Variants in PCDHGB5 observed in about 807,000 individuals in gnomAD.
The protein encoded by PCDHGB5 is protocadherin gamma-B5.
A neutral mutation model predicts 62.9 loss-of-function variants in PCDHGB5; 48 were observed. The observed-to-expected ratio is 0.76, with a 90% CI of 0.61 to 0.97. PCDHGB5 has a LOEUF of 0.97. Ranked by LOEUF, PCDHGB5 falls within the 50% of genes least tolerant of loss-of-function variation. PCDHGB5 has a pLI of 0.00. For synonymous variants in PCDHGB5, 474 were observed against 511.2 expected (o/e 0.93, Z 0.98); for missense variants, 1,118 against 1,198.6 (o/e 0.93, Z 0.99).
chr5:141,413,265 T>C, intron 1 of PCDHGB5: 1 of 1,613,958 alleles, frequency 6.2e-7, no homozygotes, highest in Non-Finnish European at 8.5e-7. Context: ...CATGGGAGGC[T>C]GGAGCCCGGC....
intron 1 of PCDHGB5, among the ~76,000 whole-genome samples, chr5:141,473,267 C>G (rs1458810488): frequency 1.3e-5 from 2 of 152,248 alleles, no homozygotes; most frequent in African/African-American, 2.4e-5. Flanking sequence ...TTAGTGTATG[C>G]TATGATTATT....
chr5:141,441,750 A>C, intron 1 of PCDHGB5: 1 of 374,962 alleles, frequency 2.7e-6, no homozygotes, highest in South Asian at 2.1e-5. Context: ...GCTCGGCGTC[A>C]ACGTGAGCCT....
At chr5:141,423,734 T>C in intron 1 of PCDHGB5, 1 of 969,626 alleles carries the variant, frequency 1.0e-6, no homozygotes, top group Non-Finnish European at 1.3e-6. Flanking sequence ...TTTTTGAGCC[T>C]GTTATGAAAA....
intron 1 of PCDHGB5, chr5:141,405,052 C>A (rs182635391): frequency 2.0e-4 from 329 of 1,613,956 alleles, no homozygotes; most frequent in Non-Finnish European, 2.5e-4. Flanking sequence ...TGGCAGTCGT[C>A]TCCTGTGTCT....
In PCDHGB5 at chr5:141,398,018, A is replaced by G; in HGVS notation, c.-110A>G. On this transcript the variant is annotated 5_prime_UTR_variant, in exon 1 of 4. Coordinates refer to ENST00000617380, the MANE Select transcript of PCDHGB5 (RefSeq NM_018925.3). Reference sequence around the variant, plus strand: ...TCCTCGGAAAAAGAATCGTTTCCTAAACTGGAACTGGAACTAAAGCCCGTT... The same window carrying G: ...TCCTCGGAAAAAGAATCGTTTCCTAGACTGGAACTGGAACTAAAGCCCGTT... 7.0e-7 allele frequency: 1 copy of G among 1,425,774 alleles called. No homozygotes were observed. Among genetic ancestry groups the G allele is most frequent in the East Asian group, 2.5e-5 (1 of 40,108 alleles). The allele number at this position is 1,425,774 out of a possible 1,614,324, so 88.3% of individuals were successfully genotyped here. A position where few individuals can be genotyped will look rare whatever the true frequency, so the allele number is the denominator to read the frequency against.
At chr5:141,502,499 C>A (rs552402476) in intron 2 of PCDHGB5, among the ~76,000 whole-genome samples, 12 of 152,122 alleles carry the variant, frequency 7.9e-5, no homozygotes, top group Non-Finnish European at 2.9e-5. Flanking sequence ...CATCTAACGT[C>A]GGCCTGTCCC....
chr5:141,486,909 C>A lies in PCDHGB5; in HGVS notation c.2398-7898C>A, dbSNP rs759702188. On this transcript the variant is annotated intron_variant, in intron 1 of 3. Coordinates refer to ENST00000617380, the MANE Select transcript of PCDHGB5 (RefSeq NM_018925.3). The surrounding 1 kb of genome is among the most constrained non-coding windows in gnomAD (Gnocchi z 5.0). ...CGGCCTGGTTCCTTATGTCCCCAAGCACTGCCTCCATCAGTTGGTGCTGGC... is the reference window on the plus strand; with the variant it reads ...CGGCCTGGTTCCTTATGTCCCCAAGAACTGCCTCCATCAGTTGGTGCTGGC... 3.1e-6 allele frequency: 5 copies of A among 1,614,262 alleles called. No individual in the cohort carries two copies. The East Asian group carries it at 1.1e-4, about 36-fold the overall frequency.
intron 1 of PCDHGB5, among the ~76,000 whole-genome samples, chr5:141,472,122 G>A (rs898092092): frequency 6.6e-6 from 1 of 152,176 alleles, no homozygotes; most frequent in African/African-American, 2.4e-5. Flanking sequence ...GAAAATAAAA[G>A]AGAAGTTAAA....
chr5:141,511,028 T>C lies in PCDHGB5; in HGVS notation c.2627T>C (p.Leu876Pro). ...GCCCGCTACGGACCCCAGTTCACCC[T>C]GCAGCACGTGCCCGACTACCGCCAG... ...LSARYGPQFTLQHVPDYRQNV... is the reference protein window; with the variant it reads ...LSARYGPQFTPQHVPDYRQNV... The change falls in exon 4 of 4, where the codon CTG becomes CCG. Residue 876 changes from leucine (L) to proline (P), a missense_variant. Leu to Pro is a moderately conservative substitution (Grantham distance 98, BLOSUM62 -3). Around this residue, in one of 2 missense-constraint regions of PCDHGB5, gnomAD observed 1,034 missense variants for 1,029.1 expected, o/e 1.00. Transcript: ENST00000617380. 1 of 1,614,202 alleles carries C rather than the reference T, an allele frequency of 6.2e-7. No homozygotes were observed. Among genetic ancestry groups the C allele is most frequent in the Non-Finnish European group, 8.5e-7 (1 of 1,180,028 alleles).
rs1168799961 is a variant in PCDHGB5, at chr5:141,487,844, A to G, written c.2398-6963A>G. ...CGGGTCATGCCTATATCTGAGTAAG[A>G]AATGAAAGTAATTGGTGATCAAGAG... On this transcript the variant is annotated intron_variant, in intron 1 of 3. Coordinates refer to ENST00000617380, the MANE Select transcript of PCDHGB5 (RefSeq NM_018925.3). The surrounding 1 kb of genome is among the most constrained non-coding windows in gnomAD (Gnocchi z 5.0). 2 of 1,043,076 alleles carry G rather than the reference A, an allele frequency of 1.9e-6. No homozygotes were observed. Among genetic ancestry groups the G allele is most frequent in the Non-Finnish European group, 2.7e-6 (2 of 730,916 alleles). The allele number at this position is 1,043,076 out of a possible 1,614,324, so 64.6% of individuals were successfully genotyped here.
intron 1 of PCDHGB5, chr5:141,403,784 G>C: frequency 1.9e-6 from 3 of 1,613,906 alleles, no homozygotes; most frequent in East Asian, 2.2e-5. Context: ...CGGAAAAGTG[G>C]CATACAAATT....
chr5:141,412,906 TG>T (rs2095588206), intron 1 of PCDHGB5: 2 of 384,208 alleles, frequency 5.2e-6, no homozygotes, highest in Admixed American at 8.2e-5. Context: ...TTCCATTGCA[TG>T]TATCACTTGG....
At chr5:141,460,132 T>TAAAA in intron 1 of PCDHGB5, among the ~76,000 whole-genome samples, 1 of 152,036 alleles carries the variant, frequency 6.6e-6, no homozygotes, top group South Asian at 2.1e-4. Context: ...GTAATATATA[T>TAAAA]ATTCTTGATG....
In PCDHGB5 at chr5:141,490,537, T is replaced by C; in HGVS notation, c.2398-4270T>C. On this transcript the variant is annotated intron_variant, in intron 1 of 3. Transcript: ENST00000617380. This position sits in a 1 kb window ranked among gnomAD's most constrained non-coding sequence, Gnocchi z 5.4. ...GCTGGCCAGCGATGCTGGTTCACCT[T>C]CCCTACACAAACATCTCACCATCAG... is the stretch of plus-strand genomic sequence containing the variant. 1.9e-6 allele frequency: 3 copies of C among 1,614,180 alleles called. No homozygotes were observed. The highest frequency in any genetic ancestry group is 8.5e-7 in the Non-Finnish European group (1 of 1,180,028).
chr5:141,510,472 G>A (rs1209464436), intron 3 of PCDHGB5, among the ~76,000 whole-genome samples: 7 of 152,102 alleles, frequency 4.6e-5, no homozygotes, highest in Non-Finnish European at 1.0e-4. Context: ...GGAGTCAGAG[G>A]CTCCCTTGAG....
At position 141,486,883 on chromosome 5, in the gene PCDHGB5, C is replaced by G. The variant is rs1234866888; in HGVS notation, c.2398-7924C>G. The G allele has an allele frequency of 1.2e-6, 2 of 1,614,214 alleles. No individual in the cohort carries two copies. ...CTCCAGCTGTGCTCCGTCCTCGGGC[C>G]CGGCCTGGTTCCTTATGTCCCCAAG... On this transcript the variant is annotated intron_variant, in intron 1 of 3. Coordinates refer to ENST00000617380, the MANE Select transcript of PCDHGB5 (RefSeq NM_018925.3). The surrounding 1 kb of genome is among the most constrained non-coding windows in gnomAD (Gnocchi z 5.0).
intron 1 of PCDHGB5, chr5:141,422,401 C>G: frequency 6.3e-7 from 1 of 1,598,896 alleles, no homozygotes; most frequent in Non-Finnish European, 8.5e-7. Context: ...TAACCACCTG[C>G]CTTTTAAATT....
At chr5:141,405,156 T>C in intron 1 of PCDHGB5, 1 of 1,614,042 alleles carries the variant, frequency 6.2e-7, no homozygotes, top group Non-Finnish European at 8.5e-7. Flanking sequence ...TTGGCTGGTG[T>C]GCCCACCTCA....
chr5:141,495,752 C>G (rs1310125902), intron 2 of PCDHGB5, among the ~76,000 whole-genome samples: 1 of 152,150 alleles, frequency 6.6e-6, no homozygotes, highest in Non-Finnish European at 1.5e-5. Flanking sequence ...TTCTCTATCT[C>G]TGCCTCCCTG....
Sources: gnomAD v4.1 joint callset for allele counts (sites outside exome capture counted in the v4.1 genomes callset) on GRCh38, gnomAD v4.1.1 for gene constraint, gnomAD v4.1.1 regional missense constraint, Gnocchi (gnomAD v3.1) non-coding constraint, MANE v1.5 for transcripts, NCBI Gene and HGNC (gene_info 2026-07-23, HGNC 2026-07-21) for gene names.